KIZ: variants seen among roughly 807,000 people sequenced by gnomAD.
The protein encoded by KIZ is centrosomal protein kizuna.
Under a neutral mutation model 79.6 loss-of-function variants are expected in KIZ, and 68 were observed. The observed-to-expected ratio is 0.85, with a 90% CI of 0.70 to 1.05. The LOEUF (loss-of-function observed/expected upper bound fraction) is 1.05, where lower values mean the gene tolerates loss of function less well. Among genes scored for constraint, KIZ ranks in the 50% least tolerant of loss-of-function variants. The pLI, the probability that KIZ is intolerant of heterozygous loss-of-function variation, is 0.00. For missense variants in KIZ, 797 were observed against 800.4 expected, an observed-to-expected ratio of 1.00 and a Z score of 0.05; for synonymous variants, 280 against 281.8, an observed-to-expected ratio of 0.99 and a Z score of 0.06.
At chr20:21,144,032 CTT>C (rs36086472) in intron 3 of KIZ, 1 of 152,092 alleles carries the variant, frequency 6.6e-6, no homozygotes, top group Non-Finnish European at 1.5e-5. Flanking sequence ...AGTTGAGTGA[CTT>C]TTTCAGTTGC....
intron 1 of KIZ, among the ~76,000 whole-genome samples, chr20:21,126,466 C>G (rs1390644046): frequency 6.6e-6 from 1 of 152,128 alleles, no homozygotes; most frequent in African/African-American, 2.4e-5. Context: ...TTTGAGGATG[C>G]GGCCGCGTCA....
intron 6 of KIZ, among the ~76,000 whole-genome samples, chr20:21,180,093 T>A (rs1404887478): frequency 1.3e-5 from 2 of 152,190 alleles, no homozygotes; most frequent in African/African-American, 4.8e-5. Flanking sequence ...TATTCAAGTT[T>A]GTTGTTTCTT....
chr20:21,158,696 AT>A (rs2033504443), intron 4 of KIZ: 1 of 152,204 alleles, frequency 6.6e-6, no homozygotes, highest in Non-Finnish European at 1.5e-5. Flanking sequence ...GGACTAAAGG[AT>A]CATGGAGGTG....
At chr20:21,165,188 C>G (rs1427509435) in intron 6 of KIZ, among the ~76,000 whole-genome samples, 1 of 152,178 alleles carries the variant, frequency 6.6e-6, no homozygotes, top group Non-Finnish European at 1.5e-5. Flanking sequence ...ATTTAATTAG[C>G]AAAGATGCAT....
At chr20:21,137,124 G>A (rs2122383500) in intron 3 of KIZ, among the ~76,000 whole-genome samples, 1 of 152,276 alleles carries the variant, frequency 6.6e-6, no homozygotes, top group South Asian at 2.1e-4. Context: ...TCTGTGGTCT[G>A]GGCCCCTCTT....
intron 4 of KIZ, among the ~76,000 whole-genome samples, chr20:21,153,024 A>T (rs1325311911): frequency 6.6e-6 from 1 of 152,206 alleles, no homozygotes; most frequent in Non-Finnish European, 1.5e-5. Context: ...ATATTGTAGC[A>T]TAAGAGGTTT....
intron 7 of KIZ, among the ~76,000 whole-genome samples, chr20:21,209,681 A>G (rs2035986177): frequency 6.6e-6 from 1 of 152,278 alleles, no homozygotes; most frequent in Non-Finnish European, 1.5e-5. Flanking sequence ...AATTACTTCC[A>G]GTGTCCAAGA....
intron 3 of KIZ, among the ~76,000 whole-genome samples, chr20:21,141,192 T>G (rs2032504851): frequency 6.6e-6 from 1 of 152,082 alleles, no homozygotes; most frequent in East Asian, 1.9e-4. Context: ...GTCCCCATTA[T>G]CCTTGTCTCA....
intron 6 of KIZ, among the ~76,000 whole-genome samples, chr20:21,183,177 G>C (rs2034731090): frequency 6.6e-6 from 1 of 152,202 alleles, no homozygotes; most frequent in Non-Finnish European, 1.5e-5. Flanking sequence ...CCAGCAAGGT[G>C]TTTGTCCTGT....
chr20:21,232,104 C>T (rs2036853789), intron 10 of KIZ, among the ~76,000 whole-genome samples: 2 of 152,190 alleles, frequency 1.3e-5, no homozygotes, highest in Non-Finnish European at 1.5e-5. Context: ...GTAGCAGAAA[C>T]ATCCAAGGCT....
intron 4 of KIZ, among the ~76,000 whole-genome samples, chr20:21,146,487 G>A (rs117591742): frequency 0.03 from 4,494 of 152,308 alleles, 116 homozygotes; most frequent in Non-Finnish European, 0.043. Context: ...TTCCTTGGAA[G>A]AGTGTGTGTG....
chr20:21,209,878 G>T (rs1266151671), intron 7 of KIZ, among the ~76,000 whole-genome samples: 2 of 78,568 alleles, frequency 2.5e-5, no homozygotes, highest in African/African-American at 1.2e-4. Context: ...TCTCTGTATT[G>T]GTACCACTGA....
At chr20:21,168,212 T>C (rs2034039347) in intron 6 of KIZ, among the ~76,000 whole-genome samples, 1 of 152,176 alleles carries the variant, frequency 6.6e-6, no homozygotes, top group East Asian at 1.9e-4. Context: ...AGAATGATGG[T>C]TTGCAGTTTC....
At chr20:21,206,974 G>A (rs1347959685) in intron 7 of KIZ, among the ~76,000 whole-genome samples, 3 of 152,210 alleles carry the variant, frequency 2.0e-5, no homozygotes, top group African/African-American at 7.2e-5. Context: ...CCCTAGAAAA[G>A]CCACATTCAG....
intron 7 of KIZ, among the ~76,000 whole-genome samples, chr20:21,208,455 G>A (rs1294966302): frequency 6.6e-6 from 1 of 152,198 alleles, no homozygotes; most frequent in Non-Finnish European, 1.5e-5. Context: ...TGTAATCCCA[G>A]CACTTTGGGA....
chr20:21,165,528 A>G (rs1402892218), intron 6 of KIZ, among the ~76,000 whole-genome samples: 13 of 152,224 alleles, frequency 8.5e-5, no homozygotes. Flanking sequence ...TAGGAGAAGG[A>G]CAGTGTGATG....
At chr20:21,164,080 C>G (rs79960972) in intron 6 of KIZ, among the ~76,000 whole-genome samples, 2,087 of 152,338 alleles carry the variant, frequency 0.014, 41 homozygotes, top group African/African-American at 0.048. Flanking sequence ...TGTCACACCA[C>G]TGCCCCACCC....
At chr20:21,208,266 G>A (rs1223648451) in intron 7 of KIZ, among the ~76,000 whole-genome samples, 1 of 152,026 alleles carries the variant, frequency 6.6e-6, no homozygotes, top group African/African-American at 2.4e-5. Context: ...ATAATGGGAG[G>A]GGGTGCTGTC....
rs966348605 is a variant in KIZ at position 21,231,425 on chromosome 20, T to C, written c.1784-1309T>C. 5.7e-4 allele frequency among the ~76,000 whole-genome samples: 87 copies of C among 152,364 alleles called. 2 individuals carry two copies. Among genetic ancestry groups the C allele is most frequent in the African/African-American group, 2.1e-3 (86 of 41,590 alleles). ...GATTATGGTACTATTAATAACCTTG[T>C]ACTTAATGCATTTTTATTAATTTAT... is the stretch of plus-strand genomic sequence containing the variant. On this transcript the variant is annotated intron_variant, in intron 10 of 12. Transcript: ENST00000619189.
Sources: gnomAD v4.1 joint callset for allele counts (sites outside exome capture counted in the v4.1 genomes callset) on GRCh38, gnomAD v4.1.1 for gene constraint, MANE v1.5 for transcripts, NCBI Gene and HGNC (gene_info 2026-07-23, HGNC 2026-07-21) for gene names.